Variants in STS observed in about 807,000 individuals in gnomAD.
STS encodes the protein steryl-sulfatase.
Under a neutral mutation model 26.8 loss-of-function variants are expected in STS, and 7 were observed. The observed-to-expected ratio is 0.26, with a 90% confidence interval of 0.15 to 0.49. The LOEUF (loss-of-function observed/expected upper bound fraction) is 0.49, where lower values mean the gene tolerates loss of function less well. Ranked by LOEUF, STS falls within the 20% of genes least tolerant of loss-of-function variation. STS has a pLI of 0.98. For missense variants in STS, 434 were observed against 465.6 expected (o/e 0.93, Z 0.63); for synonymous variants, 199 against 189.4 (o/e 1.05, Z -0.42).
chrX:7,200,470 A>T (rs1934049516), intron 2 of STS, among the ~76,000 whole-genome samples: 1 of 111,539 alleles, frequency 9.0e-6, no homozygotes, highest in South Asian at 3.8e-4. Context: ...TCATTTTGGG[A>T]GATAGAACTA....
intron 2 of STS, among the ~76,000 whole-genome samples, chrX:7,215,839 G>A (rs368985039): frequency 1.8e-5 from 2 of 111,671 alleles, no homozygotes; most frequent in East Asian, 2.8e-4. Context: ...GGGATGAGCC[G>A]TCTTCCTCCT....
At chrX:7,241,667 G>A (rs1017263467) in intron 2 of STS, among the ~76,000 whole-genome samples, 3 of 112,157 alleles carry the variant, frequency 2.7e-5, no homozygotes, top group African/African-American at 9.7e-5. Flanking sequence ...AGCTATTGGA[G>A]TTATCTACTA....
chrX:7,201,427 C>G (rs1934071188), intron 2 of STS, among the ~76,000 whole-genome samples: 1 of 111,365 alleles, frequency 9.0e-6, no homozygotes, highest in Non-Finnish European at 1.9e-5. Context: ...TTTTTATAGC[C>G]TCTCTTTTCT....
chrX:7,205,551 G>A (rs750919564), intron 2 of STS, among the ~76,000 whole-genome samples: 3 of 110,219 alleles, frequency 2.7e-5, no homozygotes, highest in African/African-American at 9.9e-5. Flanking sequence ...GGGGTTGGCT[G>A]GTATAAAACT....
At chrX:7,220,706 G>A (rs1167506458) in intron 2 of STS, among the ~76,000 whole-genome samples, 1 of 108,460 alleles carries the variant, frequency 9.2e-6, no homozygotes, top group African/African-American at 3.4e-5. Context: ...CCGCCACCAC[G>A]CCCGGCTACT....
intron 2 of STS, among the ~76,000 whole-genome samples, chrX:7,210,124 C>T (rs1327168669): frequency 9.0e-6 from 1 of 111,166 alleles, no homozygotes; most frequent in Non-Finnish European, 1.9e-5. Flanking sequence ...ATTTATATTC[C>T]TTTGGGTATA....
At chrX:7,348,848 C>G (rs1485883868) in intron 10 of STS, among the ~76,000 whole-genome samples, 1 of 112,063 alleles carries the variant, frequency 8.9e-6, no homozygotes, top group Non-Finnish European at 1.9e-5. Flanking sequence ...TAGAGTTGAG[C>G]AGTCTACTTT....
intron 2 of STS, among the ~76,000 whole-genome samples, chrX:7,207,091 G>A (rs1292354415): frequency 9.0e-6 from 1 of 111,624 alleles, no homozygotes; most frequent in Non-Finnish European, 1.9e-5. Context: ...TCAGGAGGCT[G>A]AGGTGGGAGG....
At chrX:7,189,775 GAAAT>G (rs1485012978) in intron 1 of STS, among the ~76,000 whole-genome samples, 2 of 111,396 alleles carry the variant, frequency 1.8e-5, no homozygotes, top group Non-Finnish European at 3.8e-5. Flanking sequence ...AATAAATCAG[GAAAT>G]AAATGAATCT....
intron 10 of STS, among the ~76,000 whole-genome samples, chrX:7,344,499 A>G (rs1218373428): frequency 9.0e-6 from 1 of 110,926 alleles, no homozygotes; most frequent in Admixed American, 9.5e-5. Flanking sequence ...GTCAGGGACC[A>G]CCCTGACAGA....
intron 2 of STS, among the ~76,000 whole-genome samples, chrX:7,227,131 C>A (rs752396570): frequency 8.9e-5 from 10 of 111,767 alleles, no homozygotes; most frequent in South Asian, 7.4e-4. Flanking sequence ...TTACCCATTT[C>A]ATTGTTTCAT....
chrX:7,272,326 G>T (rs1431108762), intron 6 of STS, among the ~76,000 whole-genome samples: 1 of 109,214 alleles, frequency 9.2e-6, no homozygotes, highest in Non-Finnish European at 1.9e-5. Flanking sequence ...GAGAAGTTCT[G>T]CAGAGTAGTC....
At chrX:7,279,016 G>A (rs1261276410) in intron 7 of STS, among the ~76,000 whole-genome samples, 1 of 110,928 alleles carries the variant, frequency 9.0e-6, no homozygotes, top group Non-Finnish European at 1.9e-5. Flanking sequence ...AAAGGTTGGG[G>A]GCTTGGGCCA....
At chrX:7,341,259 C>A (rs1928268738) in intron 10 of STS, among the ~76,000 whole-genome samples, 1 of 111,602 alleles carries the variant, frequency 9.0e-6, no homozygotes, top group African/African-American at 3.3e-5. Context: ...AATTATAAAT[C>A]ATGATTCCTC....
chrX:7,324,324 G>C (rs1301034051), intron 8 of STS, among the ~76,000 whole-genome samples: 6 of 110,691 alleles, frequency 5.4e-5, no homozygotes, highest in South Asian at 3.9e-4. Context: ...TTATGATGCA[G>C]ATGAAACCTC....
chrX:7,163,228 C>T (rs766597576), intron 1 of STS, among the ~76,000 whole-genome samples: 13 of 111,868 alleles, frequency 1.2e-4, no homozygotes, highest in African/African-American at 4.2e-4. Flanking sequence ...CCAGCAGCAC[C>T]TCCCACCCAC....
chrX:7,279,311 A>ATGTGTGTGTGTGTGTGTGTGTGTGTG (rs532132394), intron 7 of STS, among the ~76,000 whole-genome samples: 1 of 78,115 alleles, frequency 1.3e-5, no homozygotes, highest in Non-Finnish European at 2.3e-5. Context: ...ATATATATAT[A>ATGTGTGTGTGTGTGTGTGTGTGTGTG]TGTGTGTGTG....
intron 6 of STS, among the ~76,000 whole-genome samples, chrX:7,275,459 G>GTA (rs1270837972): frequency 2.7e-5 from 3 of 110,923 alleles, no homozygotes; most frequent in East Asian, 2.8e-4. Context: ...TACAAAATTT[G>GTA]TATATATATT....
rs953177003 is a variant in STS, at chrX:7,149,530, G to A, written c.-134+1447G>A. 1.1e-4 allele frequency among the ~76,000 whole-genome samples: 12 copies of A among 112,114 alleles called. No individual in the cohort carries two copies. The Admixed American group carries it at 1.1e-3, about 11-fold the overall frequency. On this transcript the variant is annotated intron_variant, in intron 1 of 10. Coordinates refer to ENST00000674429, the MANE Select transcript of STS (RefSeq NM_001320752.2). ...AATCGTGATTTCCCTTTGAGGACAC[G>A]GGATTTCAGAGAAGGCAATTTATGA...
Sources: gnomAD v4.1 joint callset for allele counts (sites outside exome capture counted in the v4.1 genomes callset) on GRCh38, gnomAD v4.1.1 for gene constraint, MANE v1.5 for transcripts, NCBI Gene and HGNC (gene_info 2026-07-23, HGNC 2026-07-21) for gene names.